The following INPP5F variants were observed in gnomAD, a reference collection of about 807,000 sequenced individuals.
INPP5F encodes phosphatidylinositide 4-phosphatase SAC2.
A neutral mutation model predicts 137.2 loss-of-function variants in INPP5F; 97 were observed. The ratio of observed to expected loss-of-function variants is 0.71; its 90% confidence interval spans 0.60 to 0.84. INPP5F has a LOEUF of 0.84. INPP5F is among the 40% of genes least tolerant of loss of function. The pLI is 0.00. For synonymous variants in INPP5F, 504 were observed against 476.9 expected (o/e 1.06, Z -0.74); for missense variants, 1,271 against 1,371.9 (o/e 0.93, Z 1.16).
rs763222502 is a variant in INPP5F at position 119,781,741 on chromosome 10, T to C, written c.285T>C (p.Ser95=). 1 of 1,609,086 alleles carries C rather than the reference T, an allele frequency of 6.2e-7. No homozygotes were observed. Among genetic ancestry groups the C allele is most frequent in the Non-Finnish European group, 8.5e-7 (1 of 1,176,392 alleles). Residue 95 remains serine, a synonymous_variant, in exon 3 of 20, where the codon TCT becomes TCC. Transcript: ENST00000650623. ...KVTKIAVLSL[S]EMEPQDLELE... The stretch of plus-strand genomic sequence containing the variant: ...CCAAAATTGCTGTGCTCTCACTTTC[T>C]GAAATGGAACCTCAGGATCTTGAGC...
chr10:119,810,321 TTG>T, intron 14 of INPP5F, 104 bp downstream of exon 14: 1 of 625,938 alleles, frequency 1.6e-6, no homozygotes, highest in Non-Finnish European at 2.8e-6. Flanking sequence ...TGTAATATAC[TTG>T]TGTTTCTGTA....
At chr10:119,820,503 C>T (rs954091970) in intron 15 of INPP5F, among the ~76,000 whole-genome samples, 2 of 152,168 alleles carry the variant, frequency 1.3e-5, no homozygotes, top group African/African-American at 2.4e-5. Context: ...CTCACTCTCA[C>T]GTATTTCTTT....
intron 2 of INPP5F, among the ~76,000 whole-genome samples, chr10:119,780,620 C>G (rs1049619426): frequency 3.3e-5 from 5 of 152,120 alleles, no homozygotes; most frequent in African/African-American, 9.7e-5. Context: ...ATAACATAGC[C>G]TTATTATGTA....
chr10:119,765,546 ATT>A (rs36034689), intron 2 of INPP5F, among the ~76,000 whole-genome samples: 92 of 129,768 alleles, frequency 7.1e-4, no homozygotes, highest in Non-Finnish European at 6.5e-4. Context: ...TAATTTTTGT[ATT>A]TTTTTTTTTT....
chr10:119,742,041 GA>G (rs1564802473), intron 1 of INPP5F, among the ~76,000 whole-genome samples: 3 of 152,080 alleles, frequency 2.0e-5, no homozygotes, highest in Admixed American at 2.0e-4. Flanking sequence ...GACTGGTCTC[GA>G]ACTCCTGGCC....
At chr10:119,819,547 T>C (rs751847407) in intron 15 of INPP5F, 1 of 1,595,980 alleles carries the variant, frequency 6.3e-7, no homozygotes. Flanking sequence ...CACGTAAGTA[T>C]CAACGCGTAA....
intron 2 of INPP5F, among the ~76,000 whole-genome samples, chr10:119,764,474 T>C (rs1849097114): frequency 6.6e-6 from 1 of 152,142 alleles, no homozygotes; most frequent in Non-Finnish European, 1.5e-5. Flanking sequence ...CCCGTTCTCA[T>C]CCTTCCTCTT....
Position 119,805,414 on chromosome 10 carries a change from A to G in INPP5F, c.1272A>G (p.Thr424=), listed in dbSNP as rs1349792986. 3.7e-6 allele frequency: 6 copies of G among 1,613,450 alleles called. No homozygotes were observed. The highest frequency in any genetic ancestry group is 3.3e-5 in the Admixed American group (2 of 60,022). The change falls in exon 11 of 20, where the codon ACA becomes ACG. Residue 424 remains threonine, a synonymous_variant. Coordinates refer to ENST00000650623, the MANE Select transcript of INPP5F (RefSeq NM_014937.4). ...CRGMKFENVQ[T]LTDAIYDIIL... is the part of the protein sequence containing the mutation. ...GAATGAAGTTTGAGAATGTTCAGACACTAACAGATGCCATTTATGACATTA... is the reference window on the plus strand; with the variant it reads ...GAATGAAGTTTGAGAATGTTCAGACGCTAACAGATGCCATTTATGACATTA...
At chr10:119,772,300 A>C (rs1324414619) in intron 2 of INPP5F, among the ~76,000 whole-genome samples, 1 of 152,168 alleles carries the variant, frequency 6.6e-6, no homozygotes, top group Admixed American at 6.5e-5. Context: ...GATTGTGCTC[A>C]ATTCCAGATA....
chr10:119,758,007 A>G (rs552473906), intron 2 of INPP5F, among the ~76,000 whole-genome samples: 24 of 152,286 alleles, frequency 1.6e-4, no homozygotes, highest in East Asian at 1.9e-4. Flanking sequence ...ACAAGTATCT[A>G]TGGAGTACCT....
intron 17 of INPP5F, among the ~76,000 whole-genome samples, 198 bp from the exon 18 acceptor site, chr10:119,822,873 C>T (rs1275313604): frequency 1.3e-5 from 2 of 152,066 alleles, no homozygotes; most frequent in African/African-American, 4.8e-5. Flanking sequence ...TGAAGATTAC[C>T]CCAGGGATCA....
intron 1 of INPP5F, among the ~76,000 whole-genome samples, chr10:119,744,730 G>A (rs1848479253): frequency 6.6e-6 from 1 of 152,058 alleles, no homozygotes; most frequent in Non-Finnish European, 1.5e-5. Context: ...ATTTTGTAGA[G>A]GCAGGGGATC....
chr10:119,819,271 T>A (rs2134286528), intron 15 of INPP5F: 3 of 326,784 alleles, frequency 9.2e-6, no homozygotes, highest in Non-Finnish European at 1.2e-5. Context: ...GGGGAGGGAA[T>A]TAAATATTTA....
At chr10:119,796,015 C>T (rs1021401505) in intron 6 of INPP5F, among the ~76,000 whole-genome samples, 2 of 135,624 alleles carry the variant, frequency 1.5e-5, no homozygotes, top group African/African-American at 2.8e-5. Context: ...TGCAGTGAGC[C>T]GAGATGGCAG....
intron 15 of INPP5F, chr10:119,818,778 A>G (rs1259001797): frequency 6.6e-6 from 1 of 152,282 alleles, no homozygotes; most frequent in Non-Finnish European, 1.5e-5. Flanking sequence ...GCCTCGAGGC[A>G]TCGACGGACG....
chr10:119,812,398 A>G (rs192937911), intron 15 of INPP5F, among the ~76,000 whole-genome samples: 8 of 150,748 alleles, frequency 5.3e-5, no homozygotes, highest in Admixed American at 3.9e-4. Flanking sequence ...TTTTTTAACA[A>G]AAACCGGTTT....
intron 11 of INPP5F, 71 bp downstream of exon 11, chr10:119,805,532 T>C: frequency 9.7e-7 from 1 of 1,032,008 alleles, no homozygotes; most frequent in South Asian, 1.3e-5. Context: ...AGCATTAAAC[T>C]GATAGCAGCA....
At chr10:119,791,479 T>A in intron 3 of INPP5F, 38 bp from the exon 4 acceptor site, 1 of 1,517,066 alleles carries the variant, frequency 6.6e-7, no homozygotes, top group South Asian at 1.1e-5. Flanking sequence ...AACAAACAGG[T>A]ATTAGTAATA....
chr10:119,729,744 ATTTTTTTT>A (rs34359657), intron 1 of INPP5F, among the ~76,000 whole-genome samples: 33 of 128,238 alleles, frequency 2.6e-4, no homozygotes, highest in African/African-American at 8.2e-4. Flanking sequence ...CACCTGGCTA[ATTTTTTTT>A]TTTTTTTTTT....
Sources: gnomAD v4.1 joint callset for allele counts (sites outside exome capture counted in the v4.1 genomes callset) on GRCh38, gnomAD v4.1.1 for gene constraint, MANE v1.5 for transcripts, NCBI Gene and HGNC (gene_info 2026-07-23, HGNC 2026-07-21) for gene names.